LPP: variants seen among roughly 807,000 people sequenced by gnomAD.
LPP encodes LIM domain containing preferred translocation partner in lipoma, also known as lipoma-preferred partner.
A neutral mutation model predicts 60.4 loss-of-function variants in LPP; 38 were observed. The observed-to-expected ratio is 0.63, with a 90% CI of 0.49 to 0.83. The LOEUF (loss-of-function observed/expected upper bound fraction) is 0.83, where lower values mean the gene tolerates loss of function less well. LPP is among the 40% of genes least tolerant of loss of function. LPP has a pLI of 0.00. For synonymous variants in LPP, 328 were observed against 290.8 expected (o/e 1.13, Z -1.30); for missense variants, 902 against 783.6 (o/e 1.15, Z -1.80).
chr3:188,482,923 A>G (rs903329212), intron 4 of LPP, among the ~76,000 whole-genome samples: 1 of 152,186 alleles, frequency 6.6e-6, no homozygotes, highest in Admixed American at 6.5e-5. Flanking sequence ...AGAAATGAAG[A>G]TGGTTGGAGT....
At chr3:188,364,909 A>G (rs1243072856) in intron 3 of LPP, among the ~76,000 whole-genome samples, 2 of 143,316 alleles carry the variant, frequency 1.4e-5, no homozygotes, top group Non-Finnish European at 3.2e-5. Context: ...CCTGGAGTCC[A>G]TTCTAATAAA....
At chr3:188,627,278 C>T (rs970767492) in intron 7 of LPP, among the ~76,000 whole-genome samples, 6 of 152,130 alleles carry the variant, frequency 3.9e-5, no homozygotes, top group Admixed American at 2.0e-4. Context: ...ATGGCAAGAT[C>T]AAATGCTTAT....
rs111630214 is a variant in LPP, at chr3:188,526,233, T to G, written c.429+1446T>G. ...TCTTAAATTAAGAACCAGTCTTGTTTCTCTGCTGTCAGTTATTTCAATACT... is the reference window on the plus strand; with the variant it reads ...TCTTAAATTAAGAACCAGTCTTGTTGCTCTGCTGTCAGTTATTTCAATACT... On this transcript the variant is annotated intron_variant, in intron 6 of 11. Coordinates refer to ENST00000617246, the MANE Select transcript of LPP (RefSeq NM_001375462.1). Among the ~76,000 whole-genome samples the G allele has an allele frequency of 4.7e-3, 718 of 152,298 alleles. 9 individuals carry two copies. The highest frequency in any genetic ancestry group is 0.016 in the African/African-American group (681 of 41,550).
At position 188,880,500 on chromosome 3, in the gene LPP, A is replaced by C. The variant is rs1368820461; in HGVS notation, c.*6021A>C. The C allele has an allele frequency of 5.3e-6, 1 of 189,226 alleles. No homozygotes were observed. The highest frequency in any genetic ancestry group is 1.1e-5 in the Non-Finnish European group (1 of 90,058). 11.7% of individuals were successfully genotyped at this position (189,226 alleles called of 1,614,324 possible). Reference sequence around the variant, plus strand: ...AAATAAAAATTAATATTCTACAAACACCTACATATACTAGAGAGGGGTGAA... The same window carrying C: ...AAATAAAAATTAATATTCTACAAACCCCTACATATACTAGAGAGGGGTGAA... On this transcript the variant is annotated 3_prime_UTR_variant, in exon 12 of 12. Coordinates refer to ENST00000617246, the MANE Select transcript of LPP (RefSeq NM_001375462.1).
intron 5 of LPP, among the ~76,000 whole-genome samples, chr3:188,502,175 T>C (rs1812112901): frequency 6.6e-6 from 1 of 152,210 alleles, no homozygotes; most frequent in Admixed American, 6.5e-5. Flanking sequence ...ACTTACCTAT[T>C]GTTTGGCTGT....
chr3:188,783,895 A>G (rs1223573741), intron 9 of LPP, among the ~76,000 whole-genome samples: 1 of 81,778 alleles, frequency 1.2e-5, no homozygotes, highest in African/African-American at 5.0e-5. Context: ...TGTCCCTCCC[A>G]ACTTCCTTGG....
At chr3:188,476,885 G>A (rs867394651) in intron 4 of LPP, among the ~76,000 whole-genome samples, 6 of 152,172 alleles carry the variant, frequency 3.9e-5, no homozygotes, top group Admixed American at 6.5e-5. Flanking sequence ...GTGCTATTTT[G>A]ATGACAATGA....
At chr3:188,642,726 CG>C (rs1470070899) in intron 7 of LPP, among the ~76,000 whole-genome samples, 1 of 152,058 alleles carries the variant, frequency 6.6e-6, no homozygotes, top group Non-Finnish European at 1.5e-5. Flanking sequence ...CACCTGAGGT[CG>C]GGAGTTTGAG....
intron 2 of LPP, among the ~76,000 whole-genome samples, chr3:188,294,899 C>T (rs1166461629): frequency 6.6e-6 from 1 of 152,198 alleles, no homozygotes; most frequent in Non-Finnish European, 1.5e-5. Context: ...CGAGTCCTGG[C>T]CAGTGTCTGA....
At chr3:188,461,981 G>C (rs1365893083) in intron 4 of LPP, among the ~76,000 whole-genome samples, 1 of 152,052 alleles carries the variant, frequency 6.6e-6, no homozygotes, top group African/African-American at 2.4e-5. Flanking sequence ...TTTAAAGTTT[G>C]ATATTTACCA....
At chr3:188,193,419 G>A (rs993455559) in intron 1 of LPP, among the ~76,000 whole-genome samples, 2 of 152,154 alleles carry the variant, frequency 1.3e-5, no homozygotes, top group Non-Finnish European at 2.9e-5. Context: ...GATGATAATT[G>A]TAGCTACTGT....
intron 1 of LPP, among the ~76,000 whole-genome samples, chr3:188,155,907 C>G (rs183232622): frequency 2.0e-5 from 3 of 151,766 alleles, no homozygotes; most frequent in East Asian, 1.9e-4. Flanking sequence ...CCCAGCTACT[C>G]GGGAGGCTGA....
At chr3:188,412,971 C>A (rs113027031) in intron 4 of LPP, among the ~76,000 whole-genome samples, 192 of 152,238 alleles carry the variant, frequency 1.3e-3, no homozygotes, top group African/African-American at 4.5e-3. Flanking sequence ...TAAATGCACT[C>A]ATTCAGCTGT....
chr3:188,249,483 G>A lies in LPP; in HGVS notation c.-67+23956G>A, dbSNP rs568870013. Among the ~76,000 whole-genome samples the A allele has an allele frequency of 1.5e-3, 233 of 151,598 alleles. 1 individual carries two copies. The highest frequency in any genetic ancestry group is 5.4e-3 in the African/African-American group (222 of 41,288). ...AGGAGGGAGAGAAAGAAAGAAAAAA[G>A]GAAAGAAAATATACAAAAATCTTTG... On this transcript the variant is annotated intron_variant, in intron 2 of 11. Coordinates refer to ENST00000617246, the MANE Select transcript of LPP (RefSeq NM_001375462.1).
intron 1 of LPP, among the ~76,000 whole-genome samples, chr3:188,156,785 C>T (rs1404902965): frequency 3.3e-5 from 5 of 151,786 alleles, no homozygotes; most frequent in African/African-American, 7.3e-5. Context: ...TGCAGTGAGC[C>T]GAGATTGCAC....
At chr3:188,504,538 A>G (rs565726472) in intron 5 of LPP, among the ~76,000 whole-genome samples, 2 of 152,238 alleles carry the variant, frequency 1.3e-5, no homozygotes, top group African/African-American at 2.4e-5. Flanking sequence ...TTTGAAACTA[A>G]TAATGTAGAG....
chr3:188,592,557 G>GTTTGTTTGTT (rs1260656926), intron 6 of LPP, among the ~76,000 whole-genome samples: 1 of 85,754 alleles, frequency 1.2e-5, no homozygotes, highest in Non-Finnish European at 2.3e-5. Flanking sequence ...TTTTGTTTTT[G>GTTTGTTTGTT]TTTTTTAAAT....
chr3:188,381,734 A>C (rs1776953324), intron 3 of LPP, among the ~76,000 whole-genome samples: 1 of 152,220 alleles, frequency 6.6e-6, no homozygotes, highest in Non-Finnish European at 1.5e-5. Flanking sequence ...ATCGCCTTAT[A>C]GTTAAAGCTG....
At chr3:188,446,679 G>A (rs1468524375) in intron 4 of LPP, among the ~76,000 whole-genome samples, 1 of 152,042 alleles carries the variant, frequency 6.6e-6, no homozygotes, top group Non-Finnish European at 1.5e-5. Context: ...TTTCATTGTT[G>A]TTCTCCAAGT....
Sources: gnomAD v4.1 joint callset for allele counts (sites outside exome capture counted in the v4.1 genomes callset) on GRCh38, gnomAD v4.1.1 for gene constraint, MANE v1.5 for transcripts, NCBI Gene and HGNC (gene_info 2026-07-23, HGNC 2026-07-21) for gene names.